Variants in SLC24A2 observed in about 807,000 individuals in gnomAD.
SLC24A2 encodes sodium/potassium/calcium exchanger 2.
In SLC24A2, 36 loss-of-function variants were observed where a neutral mutation model predicts 62.0. The observed-to-expected ratio is 0.58, with a 90% CI of 0.44 to 0.77. The LOEUF is 0.77. SLC24A2 is among the 30% of genes least tolerant of loss of function. The pLI is 0.00. For synonymous variants in SLC24A2, 358 were observed against 294.0 expected (o/e 1.22, Z -2.23); for missense variants, 846 against 817.9 (o/e 1.03, Z -0.42).
chr9:19,642,327 G>C (rs1233579360), intron 2 of SLC24A2, among the ~76,000 whole-genome samples: 1 of 152,208 alleles, frequency 6.6e-6, no homozygotes, highest in East Asian at 1.9e-4. Context: ...GTATTAGAGG[G>C]AGCAGAGTGA....
the SLC24A2 span, among the ~76,000 whole-genome samples, chr9:20,153,269 G>C: frequency 1.3e-5 from 2 of 151,558 alleles, no homozygotes; most frequent in Non-Finnish European, 3.0e-5. Context: ...AATCTAAAAA[G>C]AGCAAACTCT....
chr9:20,000,131 G>A, the SLC24A2 span, among the ~76,000 whole-genome samples: 1,408 of 152,302 alleles, frequency 9.2e-3, 12 homozygotes, highest in Non-Finnish European at 0.014. Flanking sequence ...GCTGTAAAAT[G>A]GAGGTAATAA....
At chr9:19,835,395 T>C in the SLC24A2 span, among the ~76,000 whole-genome samples, 3,830 of 74,186 alleles carry the variant, frequency 0.052, 161 homozygotes, top group African/African-American at 0.099. Flanking sequence ...ACCAAGCAAA[T>C]GGAAAACAAA....
the SLC24A2 span, among the ~76,000 whole-genome samples, chr9:19,804,185 A>G: frequency 7.9e-5 from 12 of 152,176 alleles, no homozygotes; most frequent in African/African-American, 2.9e-4. Context: ...ATTCTGATAG[A>G]AATTGTGTTG....
At chr9:19,685,078 A>G (rs534002826) in intron 2 of SLC24A2, among the ~76,000 whole-genome samples, 1 of 152,156 alleles carries the variant, frequency 6.6e-6, no homozygotes, top group South Asian at 2.1e-4. Flanking sequence ...GCGCCACTGG[A>G]GCATGCTAAA....
the SLC24A2 span, among the ~76,000 whole-genome samples, chr9:20,196,038 A>C: frequency 6.6e-6 from 1 of 152,196 alleles, no homozygotes; most frequent in South Asian, 2.1e-4. Flanking sequence ...AGCGAATATA[A>C]TATAAATATA....
the SLC24A2 span, among the ~76,000 whole-genome samples, chr9:19,873,835 C>T: frequency 7.2e-5 from 11 of 152,038 alleles, no homozygotes; most frequent in African/African-American, 1.2e-4. Flanking sequence ...ATGTACTTGC[C>T]GAATGCCCCA....
chr9:19,575,416 T>A (rs1453360758), intron 6 of SLC24A2, among the ~76,000 whole-genome samples: 2 of 152,206 alleles, frequency 1.3e-5, no homozygotes, highest in South Asian at 4.1e-4. Flanking sequence ...GGAGTTAACA[T>A]GTCCAAGAAC....
At chr9:20,113,047 C>T in the SLC24A2 span, among the ~76,000 whole-genome samples, 1 of 152,054 alleles carries the variant, frequency 6.6e-6, no homozygotes, top group Non-Finnish European at 1.5e-5. Context: ...ACATGCCTGG[C>T]AGCCACCCTA....
chr9:19,881,080 A>G, the SLC24A2 span, among the ~76,000 whole-genome samples: 31 of 152,334 alleles, frequency 2.0e-4, no homozygotes, highest in Non-Finnish European at 3.7e-4. Context: ...TATATGTCAT[A>G]TACTTAGAAC....
At chr9:19,816,470 A>C in the SLC24A2 span, among the ~76,000 whole-genome samples, 1 of 152,086 alleles carries the variant, frequency 6.6e-6, no homozygotes, top group Admixed American at 6.6e-5. Context: ...GGGTCATCTC[A>C]ACACTGTGGA....
intron 7 of SLC24A2, among the ~76,000 whole-genome samples, chr9:19,565,862 G>T (rs1012047629): frequency 3.3e-5 from 5 of 151,742 alleles, no homozygotes; most frequent in African/African-American, 1.2e-4. Context: ...CAAGAAATGG[G>T]GAAAGGATTC....
At chr9:20,032,456 T>C in the SLC24A2 span, among the ~76,000 whole-genome samples, 1 of 152,200 alleles carries the variant, frequency 6.6e-6, no homozygotes, top group African/African-American at 2.4e-5. Flanking sequence ...TTACATCTTT[T>C]GTGTTTTAGT....
At chr9:19,547,223 A>G (rs577483277) in intron 8 of SLC24A2, among the ~76,000 whole-genome samples, 146 of 152,300 alleles carry the variant, frequency 9.6e-4, no homozygotes, top group South Asian at 4.4e-3. Context: ...TTGGAATAGC[A>G]CAGAGTACTC....
chr9:19,867,702 G>T, the SLC24A2 span, among the ~76,000 whole-genome samples: 1 of 152,146 alleles, frequency 6.6e-6, no homozygotes, highest in Admixed American at 6.5e-5. Flanking sequence ...GAGGTCAAAA[G>T]ATCCAGACCA....
At chr9:20,100,872 T>G in the SLC24A2 span, among the ~76,000 whole-genome samples, 1 of 152,182 alleles carries the variant, frequency 6.6e-6, no homozygotes, top group East Asian at 1.9e-4. Context: ...CCCTTTTATC[T>G]TGGAAAGAAG....
rs1297638217 is a variant in SLC24A2 at position 19,786,877 on chromosome 9, C to A, written c.-11G>T. The stretch of plus-strand genomic sequence containing the variant: ...TTGTTGCAGATCCATCCTGGGTCTT[C>A]TGGTGGATATGGTGATCTTCCAACT... On this transcript the variant is annotated 5_prime_UTR_variant, in exon 2 of 11. Coordinates refer to ENST00000341998, the MANE Select transcript of SLC24A2 (RefSeq NM_020344.4). The surrounding 1 kb of genome is among the most constrained non-coding windows in gnomAD (Gnocchi z 5.0). 4.4e-6 allele frequency: 7 copies of A among 1,605,992 alleles called. No homozygotes were observed. The African/African-American group carries it at 9.3e-5, about 21-fold the overall frequency.
At chr9:19,710,073 G>A (rs1357042780) in intron 2 of SLC24A2, among the ~76,000 whole-genome samples, 1 of 152,092 alleles carries the variant, frequency 6.6e-6, no homozygotes, top group Admixed American at 6.6e-5. Flanking sequence ...TAATCCTCCT[G>A]TGGAAGGATG....
intron 2 of SLC24A2, among the ~76,000 whole-genome samples, chr9:19,698,430 C>T (rs1291285673): frequency 2.0e-5 from 3 of 152,012 alleles, no homozygotes; most frequent in African/African-American, 7.2e-5. Flanking sequence ...ATCTGCAATC[C>T]AAAACACTTC....
Sources: allele counts gnomAD v4.1 joint callset (sites outside exome capture counted in the v4.1 genomes callset), GRCh38; gene constraint gnomAD v4.1.1; non-coding constraint Gnocchi (gnomAD v3.1); transcripts MANE v1.5; gene names NCBI Gene and HGNC (gene_info 2026-07-23, HGNC 2026-07-21).